The following KCNN2 variants were observed in gnomAD, a reference collection of about 807,000 sequenced individuals.
KCNN2 encodes the protein potassium calcium-activated channel subfamily N member 2.
A neutral mutation model predicts 55.5 loss-of-function variants in KCNN2; 24 were observed. The observed-to-expected ratio is 0.43, with a 90% CI of 0.31 to 0.61. The LOEUF (loss-of-function observed/expected upper bound fraction) is 0.61, where lower values mean the gene tolerates loss of function less well. Ranked by LOEUF, KCNN2 falls within the 20% of genes least tolerant of loss-of-function variation. The pLI is 0.08. For synonymous variants in KCNN2, 431 were observed against 336.1 expected, an observed-to-expected ratio of 1.28 and a Z score of -3.09; for missense variants, 754 against 853.6, an observed-to-expected ratio of 0.88 and a Z score of 1.45.
chr5:114,165,733 T>C (rs142325421), intron 1 of KCNN2, among the ~76,000 whole-genome samples: 4,707 of 152,286 alleles, frequency 0.031, 254 homozygotes, highest in African/African-American at 0.11. Context: ...TTCTCTAGCT[T>C]ACTTTAGTAT....
At chr5:114,082,324 T>TAA (rs1330850146) in intron 1 of KCNN2, among the ~76,000 whole-genome samples, 1 of 136,960 alleles carries the variant, frequency 7.3e-6, no homozygotes, top group Non-Finnish European at 1.6e-5. Flanking sequence ...ACCGTATCTT[T>TAA]AAAAAAAAAA....
intron 1 of KCNN2, among the ~76,000 whole-genome samples, chr5:114,100,724 T>G (rs1363093861): frequency 6.6e-6 from 1 of 152,082 alleles, no homozygotes; most frequent in South Asian, 2.1e-4. Flanking sequence ...TTGGAGAAAT[T>G]ATGGATTCCG....
chr5:114,150,993 C>T (rs1296407133), intron 1 of KCNN2, among the ~76,000 whole-genome samples: 2 of 152,092 alleles, frequency 1.3e-5, no homozygotes, highest in Non-Finnish European at 2.9e-5. Flanking sequence ...TGCACTCCAG[C>T]CTGGGCAACA....
chr5:114,228,033 A>C (rs183882074), intron 2 of KCNN2, among the ~76,000 whole-genome samples: 5 of 151,522 alleles, frequency 3.3e-5, no homozygotes, highest in African/African-American at 1.2e-4. Flanking sequence ...ATGATGATGA[A>C]AGAAGAAGGA....
chr5:114,401,879 T>C (rs983644530), intron 2 of KCNN2, among the ~76,000 whole-genome samples: 1 of 152,242 alleles, frequency 6.6e-6, no homozygotes, highest in African/African-American at 2.4e-5. Flanking sequence ...GCTTGTGTGC[T>C]ATGGGTATAG....
At chr5:114,482,794 C>T (rs913541983) in intron 5 of KCNN2, among the ~76,000 whole-genome samples, 1 of 152,146 alleles carries the variant, frequency 6.6e-6, no homozygotes, top group Admixed American at 6.5e-5. Context: ...TCAAACACTA[C>T]ATGTTCTGAC....
At position 114,103,487 on chromosome 5, in the gene KCNN2, C is replaced by T. The variant is rs141496232; in HGVS notation, c.-271+46987C>T. Among the ~76,000 whole-genome samples, 359 of 152,286 alleles carry T rather than the reference C, an allele frequency of 2.4e-3. 2 individuals carry two copies. Among genetic ancestry groups the T allele is most frequent in the African/African-American group, 8.4e-3 (350 of 41,566 alleles). ...GTTGAGTAGGAGTGGTGAGAGAGGG[C>T]ATCCTTGCCTTGTGCCTGTTTTCAA... On this transcript the variant is annotated intron_variant, in intron 1 of 10. Transcript: ENST00000512097.
At chr5:114,394,170 T>G (rs917423829) in intron 2 of KCNN2, among the ~76,000 whole-genome samples, 9 of 152,196 alleles carry the variant, frequency 5.9e-5, no homozygotes, top group Admixed American at 4.6e-4. Flanking sequence ...TATTAACATG[T>G]AATAAAACTT....
intron 1 of KCNN2, among the ~76,000 whole-genome samples, chr5:114,074,302 G>A (rs1219841578): frequency 1.4e-5 from 2 of 139,662 alleles, no homozygotes; most frequent in African/African-American, 5.9e-5. Context: ...GCGTGTGTGT[G>A]TGTGTGTGTG....
At chr5:114,169,936 A>G (rs572018887) in intron 1 of KCNN2, among the ~76,000 whole-genome samples, 11 of 152,092 alleles carry the variant, frequency 7.2e-5, no homozygotes, top group Non-Finnish European at 1.2e-4. Context: ...CCTTCTTATT[A>G]TCCAGCACCT....
chr5:114,268,750 T>C (rs1367285051), intron 2 of KCNN2, among the ~76,000 whole-genome samples: 1 of 152,208 alleles, frequency 6.6e-6, no homozygotes, highest in Non-Finnish European at 1.5e-5. Context: ...ACCTTGGTGA[T>C]GGTGCTGCCA....
chr5:114,245,995 A>G (rs1754742456), intron 2 of KCNN2, among the ~76,000 whole-genome samples: 1 of 152,220 alleles, frequency 6.6e-6, no homozygotes, highest in Admixed American at 6.5e-5. Context: ...TTAGACATAT[A>G]AACAGATTTT....
chr5:114,124,409 C>T (rs1442597109), intron 1 of KCNN2, among the ~76,000 whole-genome samples: 1 of 152,122 alleles, frequency 6.6e-6, no homozygotes, highest in Non-Finnish European at 1.5e-5. Context: ...GTAAGGGACA[C>T]CGTATGGAAC....
At chr5:114,401,845 T>G (rs778478577) in intron 2 of KCNN2, among the ~76,000 whole-genome samples, 1 of 152,222 alleles carries the variant, frequency 6.6e-6, no homozygotes, top group South Asian at 2.1e-4. Flanking sequence ...GTTGGAGAGA[T>G]AGGCAAAACC....
chr5:114,281,212 A>C (rs1454475466), intron 2 of KCNN2, among the ~76,000 whole-genome samples: 1 of 152,184 alleles, frequency 6.6e-6, no homozygotes, highest in African/African-American at 2.4e-5. Context: ...TGTTTCTGCC[A>C]TTAAAATGTG....
intron 3 of KCNN2, among the ~76,000 whole-genome samples, chr5:114,452,233 G>C (rs148778961): frequency 6.6e-6 from 1 of 152,160 alleles, no homozygotes; most frequent in African/African-American, 2.4e-5. Context: ...CTCACTTAGG[G>C]AGGTTTTTAT....
chr5:114,128,644 G>A (rs1184796654), intron 1 of KCNN2, among the ~76,000 whole-genome samples: 1 of 151,992 alleles, frequency 6.6e-6, no homozygotes, highest in Non-Finnish European at 1.5e-5. Context: ...GTTTTATTTG[G>A]AACTCATGTT....
At chr5:114,293,555 G>T (rs1024154411) in intron 2 of KCNN2, among the ~76,000 whole-genome samples, 3 of 152,192 alleles carry the variant, frequency 2.0e-5, no homozygotes, top group African/African-American at 7.2e-5. Flanking sequence ...CTTGATCATG[G>T]TGGATAAGGT....
At chr5:114,312,492 C>T (rs1393766354) in intron 2 of KCNN2, among the ~76,000 whole-genome samples, 1 of 120,678 alleles carries the variant, frequency 8.3e-6, no homozygotes, top group Non-Finnish European at 1.7e-5. Flanking sequence ...CAGCCTAGTC[C>T]ATCTTCTCTT....
Sources: gnomAD v4.1 joint callset for allele counts (sites outside exome capture counted in the v4.1 genomes callset) on GRCh38, gnomAD v4.1.1 for gene constraint, MANE v1.5 for transcripts, NCBI Gene and HGNC (gene_info 2026-07-23, HGNC 2026-07-21) for gene names.